The following GRID2 variants were observed in gnomAD, a reference collection of about 807,000 sequenced individuals.
GRID2 encodes glutamate receptor ionotropic, delta-2.
Under a neutral mutation model 114.8 loss-of-function variants are expected in GRID2, and 33 were observed. The observed-to-expected ratio is 0.29, with a 90% CI of 0.22 to 0.38. GRID2 has a LOEUF of 0.38. Ranked by LOEUF, GRID2 falls within the 10% of genes least tolerant of loss-of-function variation. The pLI is 1.00. For synonymous variants in GRID2, 505 were observed against 449.9 expected (o/e 1.12, Z -1.55); for missense variants, 1,184 against 1,257.7 (o/e 0.94, Z 0.89).
intron 7 of GRID2, among the ~76,000 whole-genome samples, chr4:93,228,013 G>GT (rs1043985473): frequency 2.0e-5 from 3 of 152,138 alleles, no homozygotes; most frequent in Admixed American, 6.5e-5. Flanking sequence ...CAGCAGTACA[G>GT]TTTTTTTGCT....
At chr4:93,254,162 A>G (rs1382367567) in intron 8 of GRID2, among the ~76,000 whole-genome samples, 1 of 152,086 alleles carries the variant, frequency 6.6e-6, no homozygotes, top group African/African-American at 2.4e-5. Flanking sequence ...CAGGTGCAAA[A>G]AATGGCTTTT....
At chr4:92,873,862 G>T (rs1400459769) in intron 2 of GRID2, among the ~76,000 whole-genome samples, 4 of 152,090 alleles carry the variant, frequency 2.6e-5, no homozygotes, top group Non-Finnish European at 5.9e-5. Context: ...TTACAGGCAT[G>T]TGCCACCACA....
intron 13 of GRID2, among the ~76,000 whole-genome samples, chr4:93,619,686 G>A (rs1742033563): frequency 6.6e-6 from 1 of 152,110 alleles, no homozygotes; most frequent in Non-Finnish European, 1.5e-5. Flanking sequence ...AAATCAACAG[G>A]CCTCGAGGGT....
At chr4:92,578,474 A>G (rs547984939) in intron 1 of GRID2, among the ~76,000 whole-genome samples, 2 of 152,164 alleles carry the variant, frequency 1.3e-5, no homozygotes, top group Non-Finnish European at 2.9e-5. Context: ...AAATGGAATT[A>G]TTAAAAGATA....
At chr4:93,750,719 A>G (rs917270698) in intron 14 of GRID2, among the ~76,000 whole-genome samples, 1 of 152,036 alleles carries the variant, frequency 6.6e-6, no homozygotes, top group African/African-American at 2.4e-5. Context: ...TCGCGCCACT[A>G]CACTCCAGAC....
chr4:93,335,227 C>T (rs1758924185), intron 8 of GRID2, among the ~76,000 whole-genome samples: 2 of 152,172 alleles, frequency 1.3e-5, no homozygotes, highest in Admixed American at 1.3e-4. Flanking sequence ...GAAAAGGAAT[C>T]TCTCTGACAC....
intron 14 of GRID2, among the ~76,000 whole-genome samples, chr4:93,717,202 CTAAT>C (rs1728973889): frequency 6.6e-6 from 1 of 152,112 alleles, no homozygotes; most frequent in Admixed American, 6.6e-5. Context: ...ACTAAAATAA[CTAAT>C]TAAAGACTAT....
At chr4:92,557,218 T>G (rs1344386647) in intron 1 of GRID2, among the ~76,000 whole-genome samples, 2 of 152,040 alleles carry the variant, frequency 1.3e-5, no homozygotes, top group East Asian at 3.8e-4. Flanking sequence ...ATGCAAAAAT[T>G]CATTTGTTTC....
At chr4:92,954,754 A>C in intron 2 of GRID2, among the ~76,000 whole-genome samples, 1 of 116,976 alleles carries the variant, frequency 8.5e-6, no homozygotes, top group Admixed American at 8.8e-5. Context: ...TCCCAATGCT[A>C]TCCCTCCCCC....
intron 9 of GRID2, among the ~76,000 whole-genome samples, chr4:93,410,449 TA>T (rs767975014): frequency 6.6e-6 from 1 of 152,228 alleles, no homozygotes; most frequent in African/African-American, 2.4e-5. Flanking sequence ...CGTGACAAAT[TA>T]AATGCATGCT....
intron 5 of GRID2, among the ~76,000 whole-genome samples, chr4:93,211,499 A>G (rs956455152): frequency 6.6e-6 from 1 of 152,104 alleles, no homozygotes; most frequent in African/African-American, 2.4e-5. Flanking sequence ...AAACAAAGCA[A>G]TCTCACTGGT....
At chr4:92,525,049 T>C (rs1724979405) in intron 1 of GRID2, among the ~76,000 whole-genome samples, 1 of 151,826 alleles carries the variant, frequency 6.6e-6, no homozygotes, top group Non-Finnish European at 1.5e-5. Flanking sequence ...ACTCTCTCAG[T>C]ATAAAAGAAA....
At chr4:93,632,591 C>A (rs191248429) in intron 14 of GRID2, among the ~76,000 whole-genome samples, 1 of 152,116 alleles carries the variant, frequency 6.6e-6, no homozygotes, top group Non-Finnish European at 1.5e-5. Context: ...TGTTTTGGTA[C>A]CAGTACCATG....
At chr4:93,183,441 A>C (rs1461372068) in intron 4 of GRID2, among the ~76,000 whole-genome samples, 1 of 152,180 alleles carries the variant, frequency 6.6e-6, no homozygotes, top group Non-Finnish European at 1.5e-5. Flanking sequence ...TAGATGTTTC[A>C]CGTGTGATGA....
At chr4:93,217,141 A>G (rs1273340104) in intron 6 of GRID2, 9 of 349,114 alleles carry the variant, frequency 2.6e-5, no homozygotes, top group East Asian at 1.4e-4. Context: ...TATAATAAGT[A>G]AAGGTTATTT....
chr4:93,540,065 T>C (rs1197627136), intron 13 of GRID2, among the ~76,000 whole-genome samples: 3 of 152,124 alleles, frequency 2.0e-5, no homozygotes, highest in African/African-American at 7.2e-5. Context: ...ATTGATTCTT[T>C]CTTATTTATG....
At chr4:92,509,532 A>G (rs1295942345) in intron 1 of GRID2, among the ~76,000 whole-genome samples, 3 of 152,118 alleles carry the variant, frequency 2.0e-5, no homozygotes, top group East Asian at 3.9e-4. Flanking sequence ...CATGGAACCT[A>G]TGGGTTTATA....
At chr4:92,986,363 C>G (rs2149196094) in intron 2 of GRID2, among the ~76,000 whole-genome samples, 1 of 152,080 alleles carries the variant, frequency 6.6e-6, no homozygotes. Context: ...GCCAATAAGT[C>G]AAGAAAAAGT....
intron 8 of GRID2, among the ~76,000 whole-genome samples, chr4:93,366,408 T>C (rs1358352264): frequency 6.6e-6 from 1 of 152,092 alleles, no homozygotes; most frequent in Non-Finnish European, 1.5e-5. Context: ...CCAGGCTTAT[T>C]AGGAAGAGGA....
Sources: gnomAD v4.1 joint callset for allele counts (sites outside exome capture counted in the v4.1 genomes callset) on GRCh38, gnomAD v4.1.1 for gene constraint, MANE v1.5 for transcripts, NCBI Gene and HGNC (gene_info 2026-07-23, HGNC 2026-07-21) for gene names.